ARHGAP6: variants seen among roughly 807,000 people sequenced by gnomAD.
The protein encoded by ARHGAP6 is rho GTPase-activating protein 6.
In ARHGAP6, 16 loss-of-function variants were observed where a neutral mutation model predicts 55.7. That is an observed-to-expected ratio of 0.29 (90% CI 0.19 to 0.44). ARHGAP6 has a LOEUF of 0.44. Ranked by LOEUF, ARHGAP6 falls within the 20% of genes least tolerant of loss-of-function variation. The pLI, the probability that ARHGAP6 is intolerant of heterozygous loss-of-function variation, is 1.00. For missense variants in ARHGAP6, 698 were observed against 808.9 expected (o/e 0.86, Z 1.66); for synonymous variants, 382 against 360.9 (o/e 1.06, Z -0.66).
intron 12 of ARHGAP6, among the ~76,000 whole-genome samples, chrX:11,141,406 A>G (rs2045616702): frequency 8.9e-6 from 1 of 112,159 alleles, no homozygotes; most frequent in Non-Finnish European, 1.9e-5. Context: ...ATGGAAAAAG[A>G]GTTAACATCT....
chrX:11,176,306 T>C (rs1188761215), intron 8 of ARHGAP6, among the ~76,000 whole-genome samples: 1 of 12,529 alleles, frequency 8.0e-5, no homozygotes, highest in Admixed American at 8.2e-4. Flanking sequence ...CATGCATATA[T>C]ATATATATAT....
chrX:11,662,438 T>C (rs748055939), intron 1 of ARHGAP6, among the ~76,000 whole-genome samples: 45 of 111,995 alleles, frequency 4.0e-4, no homozygotes, highest in African/African-American at 1.4e-3. Context: ...ACACATATTC[T>C]ATGAGAAAAT....
chrX:11,230,431 C>G (rs2047111773), intron 2 of ARHGAP6, among the ~76,000 whole-genome samples: 1 of 111,203 alleles, frequency 9.0e-6, no homozygotes, highest in Non-Finnish European at 1.9e-5. Flanking sequence ...CTCTTGACCT[C>G]GTGATCTGCC....
chrX:11,517,446 T>A (rs964905816), intron 1 of ARHGAP6, among the ~76,000 whole-genome samples: 5 of 111,614 alleles, frequency 4.5e-5, no homozygotes, highest in Non-Finnish European at 7.5e-5. Context: ...ATTACTAATT[T>A]CTGCTTTTAA....
intron 1 of ARHGAP6, among the ~76,000 whole-genome samples, chrX:11,540,449 A>T (rs73497048): frequency 0.027 from 2,958 of 111,067 alleles, 45 homozygotes; most frequent in Middle Eastern, 0.061. Flanking sequence ...TCTTTTCAAT[A>T]ATCATGGCAA....
intron 2 of ARHGAP6, among the ~76,000 whole-genome samples, chrX:11,204,614 TTTGC>T (rs1257313155): frequency 9.0e-6 from 1 of 111,534 alleles, no homozygotes; most frequent in Non-Finnish European, 1.9e-5. Flanking sequence ...TATTTTTCCC[TTTGC>T]TTACCAGGCA....
At chrX:11,498,874 A>G (rs1389121612) in intron 1 of ARHGAP6, among the ~76,000 whole-genome samples, 2 of 112,337 alleles carry the variant, frequency 1.8e-5, no homozygotes, top group Non-Finnish European at 3.8e-5. Context: ...TTGGTAAAAG[A>G]GCAATATCTG....
At chrX:11,229,057 T>C (rs1370599871) in intron 2 of ARHGAP6, among the ~76,000 whole-genome samples, 1 of 112,257 alleles carries the variant, frequency 8.9e-6, no homozygotes, top group Non-Finnish European at 1.9e-5. Context: ...TGTGGATCTG[T>C]ATCCGTTCCA....
intron 1 of ARHGAP6, among the ~76,000 whole-genome samples, chrX:11,372,771 C>CAAAAAAAAAAAAA (rs1171647934): frequency 2.1e-4 from 3 of 14,351 alleles, no homozygotes; most frequent in Admixed American, 1.0e-3. Flanking sequence ...GACTCCATCT[C>CAAAAAAAAAAAAA]AAAAAAAAAA....
intron 1 of ARHGAP6, among the ~76,000 whole-genome samples, chrX:11,360,499 A>G (rs1293060714): frequency 9.1e-6 from 1 of 109,384 alleles, no homozygotes; most frequent in Non-Finnish European, 1.9e-5. Context: ...TATTGATGGG[A>G]CGTATCTCAA....
At chrX:11,153,582 G>A (rs1288751538) in intron 10 of ARHGAP6, among the ~76,000 whole-genome samples, 4 of 104,436 alleles carry the variant, frequency 3.8e-5, no homozygotes, top group African/African-American at 1.4e-4. Context: ...GCACTCTGGA[G>A]CTCAAGCCTC....
chrX:11,459,142 G>T (rs1308397137), intron 1 of ARHGAP6, among the ~76,000 whole-genome samples: 1 of 111,083 alleles, frequency 9.0e-6, no homozygotes, highest in Non-Finnish European at 1.9e-5. Context: ...CTTTTTAATT[G>T]AACTGAACAA....
Position 11,139,449 on chromosome X carries a change from C to T in ARHGAP6, c.2339G>A (p.Trp780Ter). Reference sequence around the variant, plus strand: ...TGCGGGGCTCCCCTGCCACCGAGGCCAATTTGGGGACAGGTTCCCTTGAGA... The same window carrying T: ...TGCGGGGCTCCCCTGCCACCGAGGCTAATTTGGGGACAGGTTCCCTTGAGA... ...SLSQGNLSPN[W>*]PRWQGSPAEL... The change falls in exon 13 of 13, where the codon TGG becomes TAG. Residue 780 changes from tryptophan to a stop codon, truncating the protein, a stop_gained. Coordinates refer to ENST00000337414, the MANE Select transcript of ARHGAP6 (RefSeq NM_013427.3). LOFTEE classifies it low-confidence loss of function (END_TRUNC). 2.5e-6 allele frequency: 3 copies of T among 1,185,604 alleles called. No homozygotes were observed. The highest frequency in any genetic ancestry group is 1.1e-6 in the Non-Finnish European group (1 of 885,320).
chrX:11,399,380 A>G (rs2049520276), intron 1 of ARHGAP6, among the ~76,000 whole-genome samples: 1 of 100,178 alleles, frequency 1.0e-5, no homozygotes, highest in South Asian at 4.5e-4. Flanking sequence ...AAAAAAAACC[A>G]CTGGCTTAAA....
intron 1 of ARHGAP6, among the ~76,000 whole-genome samples, chrX:11,507,998 C>G (rs1569372111): frequency 9.0e-6 from 1 of 111,591 alleles, no homozygotes; most frequent in Non-Finnish European, 1.9e-5. Context: ...AACTTGGTTT[C>G]TCAAGAGGGA....
chrX:11,358,488 T>TCTTTCTTTCTTTCTTTC (rs1156649373), intron 1 of ARHGAP6, among the ~76,000 whole-genome samples: 5 of 100,177 alleles, frequency 5.0e-5, no homozygotes, highest in Non-Finnish European at 1.0e-4. Flanking sequence ...TTTCTTTCTT[T>TCTTTCTTTCTTTCTTTC]TTTTTTTTTT....
chrX:11,498,370 A>C (rs2050644124), intron 1 of ARHGAP6, among the ~76,000 whole-genome samples: 1 of 112,250 alleles, frequency 8.9e-6, no homozygotes. Flanking sequence ...AACTTCATAC[A>C]TACTCTCATT....
intron 1 of ARHGAP6, among the ~76,000 whole-genome samples, chrX:11,284,743 TTC>T (rs1360716089): frequency 8.9e-6 from 1 of 111,760 alleles, no homozygotes; most frequent in Non-Finnish European, 1.9e-5. Flanking sequence ...TGAACAAGAT[TTC>T]CCAACTTCAA....
intron 1 of ARHGAP6, among the ~76,000 whole-genome samples, chrX:11,331,929 T>C (rs2048567415): frequency 8.9e-6 from 1 of 112,070 alleles, no homozygotes; most frequent in Admixed American, 9.5e-5. Context: ...TAACTGGCTA[T>C]GCTTACTTTA....
Sources: allele counts gnomAD v4.1 joint callset (sites outside exome capture counted in the v4.1 genomes callset), GRCh38; gene constraint gnomAD v4.1.1; transcripts MANE v1.5; gene names NCBI Gene and HGNC (gene_info 2026-07-23, HGNC 2026-07-21).